The following SIM2 variants were observed in gnomAD, a reference collection of about 807,000 sequenced individuals.
The protein encoded by SIM2 is SIM bHLH transcription factor 2.
In SIM2, 28 loss-of-function variants were observed where a neutral mutation model predicts 64.8. The ratio of observed to expected loss-of-function variants is 0.43; its 90% CI spans 0.32 to 0.59. SIM2 has a LOEUF of 0.59. SIM2 is among the 20% of genes least tolerant of loss of function. SIM2 has a pLI of 0.07. For missense variants in SIM2, 847 were observed against 871.4 expected, an observed-to-expected ratio of 0.97 and a Z score of 0.35; for synonymous variants, 408 against 391.1, an observed-to-expected ratio of 1.04 and a Z score of -0.51.
At position 36,744,739 on chromosome 21, in the gene SIM2, G is replaced by T. The variant is rs2073416; in HGVS notation, c.1179G>T (p.Ser393=). Residue 393 remains serine, a synonymous_variant, in exon 10 of 11, where the codon TCG becomes TCT. Coordinates refer to ENST00000290399, the MANE Select transcript of SIM2 (RefSeq NM_005069.6). The stretch of plus-strand genomic sequence containing the variant: ...TCTTTGCCATGCAGCAATACAGCTC[G>T]TTCCAAATGGACAAACTGGAATGCG... ...TNPYPPQQYS[S]FQMDKLECGQ... 6.2e-7 allele frequency: 1 copy of T among 1,602,032 alleles called. No homozygotes were observed. Among genetic ancestry groups the T allele is most frequent in the Non-Finnish European group, 8.5e-7 (1 of 1,173,986 alleles).
At chr21:36,724,666 T>C (rs907478341) in intron 5 of SIM2, among the ~76,000 whole-genome samples, 1 of 152,230 alleles carries the variant, frequency 6.6e-6, no homozygotes, top group Non-Finnish European at 1.5e-5. Flanking sequence ...TGTTCTTGGT[T>C]TCCTCATTAG....
chr21:36,702,076 C>A (rs1297587903), intron 1 of SIM2, among the ~76,000 whole-genome samples: 1 of 152,186 alleles, frequency 6.6e-6, no homozygotes, highest in Non-Finnish European at 1.5e-5. Flanking sequence ...TTAAAAGATG[C>A]GAAGTGGTGG....
chr21:36,713,539 A>T (rs1284282316), intron 3 of SIM2, among the ~76,000 whole-genome samples: 1 of 152,214 alleles, frequency 6.6e-6, no homozygotes, highest in Non-Finnish European at 1.5e-5. Flanking sequence ...CCGTGACTGA[A>T]GACACACTAG....
intron 4 of SIM2, among the ~76,000 whole-genome samples, chr21:36,722,304 G>A (rs1049949389): frequency 1.3e-5 from 2 of 152,200 alleles, no homozygotes; most frequent in African/African-American, 4.8e-5. Flanking sequence ...CCTCTGAGGT[G>A]ATTCCTGAGC....
At chr21:36,733,472 G>T (rs2088998568) in intron 7 of SIM2, among the ~76,000 whole-genome samples, 1 of 152,012 alleles carries the variant, frequency 6.6e-6, no homozygotes, top group Non-Finnish European at 1.5e-5. Context: ...TGGGACTACG[G>T]GTGTGAGCCA....
intron 5 of SIM2, among the ~76,000 whole-genome samples, chr21:36,725,594 A>G (rs943402217): frequency 6.6e-6 from 1 of 152,126 alleles, no homozygotes; most frequent in Non-Finnish European, 1.5e-5. Context: ...AGTACAGTCA[A>G]TTGGATAAGA....
At chr21:36,708,392 T>C (rs1431972655) in intron 1 of SIM2, among the ~76,000 whole-genome samples, 1 of 152,150 alleles carries the variant, frequency 6.6e-6, no homozygotes, top group East Asian at 1.9e-4. Flanking sequence ...TGGTAGCTTT[T>C]GCGGAGGTGG....
intron 1 of SIM2, among the ~76,000 whole-genome samples, chr21:36,708,535 G>T (rs1468005712): frequency 1.3e-5 from 2 of 152,240 alleles, no homozygotes; most frequent in East Asian, 1.9e-4. Context: ...CTCTCGGGGA[G>T]CCCCCAGGTA....
intron 2 of SIM2, chr21:36,710,352 C>G (rs1282626379): frequency 6.6e-6 from 1 of 152,266 alleles, no homozygotes; most frequent in Non-Finnish European, 1.5e-5. Flanking sequence ...GCGCCCCTGA[C>G]CTCGGCTTTT....
chr21:36,734,076 T>C (rs1473717892), intron 7 of SIM2, among the ~76,000 whole-genome samples: 1 of 152,164 alleles, frequency 6.6e-6, no homozygotes, highest in African/African-American at 2.4e-5. Context: ...GCAGTGGAGC[T>C]GGGGCAGGAC....
At chr21:36,719,716 A>G (rs2088796633) in intron 3 of SIM2, 105 bp from the exon 4 acceptor site, 1 of 716,780 alleles carries the variant, frequency 1.4e-6, no homozygotes, top group South Asian at 1.5e-5. Flanking sequence ...GCAGAGATCA[A>G]AGTTCTGTTC....
rs200359415 is a variant in SIM2 at position 36,744,956 on chromosome 21, G to A, written c.1396G>A (p.Gly466Arg). 52 of 1,614,220 alleles carry A rather than the reference G, an allele frequency of 3.2e-5. No homozygotes were observed. Among genetic ancestry groups the A allele is most frequent in the South Asian group, 1.4e-4 (13 of 91,088 alleles). Residue 466 changes from glycine (G) to arginine (R), a missense_variant, in exon 10 of 11, where the codon GGG (glycine) becomes AGG (arginine). Coordinates refer to ENST00000290399, the MANE Select transcript of SIM2 (RefSeq NM_005069.6). ...SKKPMLPAKF[G>R]QPQGSPCEVA... ...AAAGCCAATGTTGCCGGCCAAGTTC[G>A]GGCAGCCCCAAGGATCCCCTTGTGA...
chr21:36,737,972 A>AAAAAAAAAAAGC (rs1210371717), intron 7 of SIM2, among the ~76,000 whole-genome samples: 48 of 119,614 alleles, frequency 4.0e-4, no homozygotes, highest in African/African-American at 1.2e-3. Flanking sequence ...AAAAAAAAAA[A>AAAAAAAAAAAGC]AAAAAAAAAA....
In SIM2 at chr21:36,726,407, A is replaced by G; in HGVS notation, c.743+89A>G. On this transcript the variant is annotated intron_variant, in intron 6 of 10. Transcript: ENST00000290399. This position sits in a 1 kb window ranked among gnomAD's most constrained non-coding sequence, Gnocchi z 4.5. ...CCCTGAAAGCTGCCATCTTGGCCAA[A>G]TCATAACAAGGAATAAGTCATAATA... 1 of 1,156,806 alleles carries G rather than the reference A, an allele frequency of 8.6e-7. No homozygotes were observed. The highest frequency in any genetic ancestry group is 1.2e-6 in the Non-Finnish European group (1 of 807,586). The allele number at this position is 1,156,806 out of a possible 1,614,324, so 71.7% of individuals were successfully genotyped here.
chr21:36,711,957 C>T (rs1054670278), intron 2 of SIM2, among the ~76,000 whole-genome samples: 2 of 152,104 alleles, frequency 1.3e-5, no homozygotes, highest in African/African-American at 4.8e-5. Flanking sequence ...GTTATTTGAT[C>T]TCTTGCAAAT....
chr21:36,732,953 C>A (rs2088990728), intron 7 of SIM2, among the ~76,000 whole-genome samples: 1 of 152,084 alleles, frequency 6.6e-6, no homozygotes, highest in Non-Finnish European at 1.5e-5. Flanking sequence ...TGTGCTGTGC[C>A]CTAGAACAGT....
Position 36,745,918 on chromosome 21 carries a change from A to T in SIM2, c.1576+782A>T. 1 of 1,278,394 alleles carries T rather than the reference A, an allele frequency of 7.8e-7. No homozygotes were observed. Among genetic ancestry groups the T allele is most frequent in the South Asian group, 1.3e-5 (1 of 79,612 alleles). 79.2% of individuals were successfully genotyped at this position (1,278,394 alleles called of 1,614,324 possible). A position where few individuals can be genotyped will look rare whatever the true frequency, so the allele number is the denominator to read the frequency against. ...GGGAACAGAGGTTTAGCTGCAGGACATGTATTCCCATTGCACCGAGACCTA... is the reference window on the plus strand; with the variant it reads ...GGGAACAGAGGTTTAGCTGCAGGACTTGTATTCCCATTGCACCGAGACCTA... On this transcript the variant is annotated intron_variant, in intron 10 of 10. Transcript: ENST00000290399. The surrounding 1 kb of genome is among the most constrained non-coding windows in gnomAD (Gnocchi z 4.8).
At chr21:36,703,426 A>G (rs567924541) in intron 1 of SIM2, among the ~76,000 whole-genome samples, 6 of 152,342 alleles carry the variant, frequency 3.9e-5, no homozygotes, top group African/African-American at 1.4e-4. Context: ...AAAGCTGTGC[A>G]GTGAGGGGGG....
chr21:36,705,487 C>CAG (rs1366205032), intron 1 of SIM2, among the ~76,000 whole-genome samples: 1 of 152,200 alleles, frequency 6.6e-6, no homozygotes, highest in East Asian at 1.9e-4. Context: ...GTGGGAAAGC[C>CAG]AGAGAGGGAG....
Sources: allele counts gnomAD v4.1 joint callset (sites outside exome capture counted in the v4.1 genomes callset), GRCh38; gene constraint gnomAD v4.1.1; non-coding constraint Gnocchi (gnomAD v3.1); transcripts MANE v1.5; gene names NCBI Gene and HGNC (gene_info 2026-07-23, HGNC 2026-07-21).